The following NKAIN2 variants were observed in gnomAD, a reference collection of about 807,000 sequenced individuals.
The protein encoded by NKAIN2 is sodium/potassium transporting ATPase interacting 2.
Under a neutral mutation model 32.6 loss-of-function variants are expected in NKAIN2, and 14 were observed. That is an observed-to-expected ratio of 0.43 (90% CI 0.28 to 0.67). The LOEUF is 0.67. Among genes scored for constraint, NKAIN2 ranks in the 30% least tolerant of loss-of-function variants. NKAIN2 has a pLI of 0.17. For missense variants in NKAIN2, 198 were observed against 258.3 expected (o/e 0.77, Z 1.60); for synonymous variants, 80 against 87.2 (o/e 0.92, Z 0.46).
chr6:124,396,685 G>C (rs1477308478), intron 3 of NKAIN2, among the ~76,000 whole-genome samples: 1 of 152,120 alleles, frequency 6.6e-6, no homozygotes, highest in Non-Finnish European at 1.5e-5. Flanking sequence ...AATGTGTATA[G>C]ATGGAAAGGA....
chr6:124,455,460 G>A (rs1776283742), intron 3 of NKAIN2, among the ~76,000 whole-genome samples: 1 of 151,954 alleles, frequency 6.6e-6, no homozygotes, highest in Admixed American at 6.6e-5. Flanking sequence ...AAATGAATAA[G>A]TGGAAAATGA....
chr6:124,695,822 A>T lies in NKAIN2; in HGVS notation c.474+37436A>T, dbSNP rs538219855. On this transcript the variant is annotated intron_variant, in intron 4 of 6. Transcript: ENST00000368417. ...GATGTGCTATCTTTTCTCACCCATC[A>T]TAAGGGCCATGGCCAACACTCCTCT... Among the ~76,000 whole-genome samples the T allele has an allele frequency of 2.7e-4, 41 of 152,328 alleles. 1 individual carries two copies. The highest frequency in any genetic ancestry group is 2.5e-3 in the Admixed American group (38 of 15,300).
intron 2 of NKAIN2, among the ~76,000 whole-genome samples, chr6:124,292,968 C>T (rs891174535): frequency 6.6e-6 from 1 of 152,054 alleles, no homozygotes; most frequent in African/African-American, 2.4e-5. Context: ...GAAAAACAAT[C>T]TACCCCTTGT....
chr6:123,840,244 A>T (rs1774812291), intron 1 of NKAIN2, among the ~76,000 whole-genome samples: 1 of 152,094 alleles, frequency 6.6e-6, no homozygotes, highest in African/African-American at 2.4e-5. Context: ...TATTCTTCGT[A>T]TATGATTATA....
intron 2 of NKAIN2, among the ~76,000 whole-genome samples, chr6:124,326,614 C>T (rs1583053508): frequency 6.6e-6 from 1 of 152,132 alleles, no homozygotes; most frequent in Admixed American, 6.5e-5. Flanking sequence ...CTCACCCTTA[C>T]CTCCAGGGTT....
intron 3 of NKAIN2, among the ~76,000 whole-genome samples, chr6:124,358,356 C>A (rs1475880878): frequency 6.6e-6 from 1 of 152,108 alleles, no homozygotes; most frequent in African/African-American, 2.4e-5. Context: ...GCCACACTGA[C>A]TTCCACAATG....
At position 124,507,734 on chromosome 6, in the gene NKAIN2, A is replaced by G. The variant is rs1583355564; in HGVS notation, c.274-150452A>G. On this transcript the variant is annotated intron_variant, in intron 3 of 6. Transcript: ENST00000368417. ...TGTTATGTGCTGATTTATCTTTACA[A>G]TATTTATGATATGAGGTTCAGTGGG... Among the ~76,000 whole-genome samples, 4 of 152,284 alleles carry G rather than the reference A, an allele frequency of 2.6e-5. No homozygotes were observed. In the South Asian group the frequency reaches 8.3e-4, roughly 32 times the overall value.
intron 1 of NKAIN2, among the ~76,000 whole-genome samples, chr6:123,805,213 A>C (rs1409179587): frequency 6.6e-6 from 1 of 152,236 alleles, no homozygotes; most frequent in African/African-American, 2.4e-5. Flanking sequence ...AGAAAGTATA[A>C]ATTAACTGGA....
At chr6:124,256,616 T>C (rs1225131566) in intron 1 of NKAIN2, among the ~76,000 whole-genome samples, 1 of 152,146 alleles carries the variant, frequency 6.6e-6, no homozygotes, top group Non-Finnish European at 1.5e-5. Context: ...ATTTGAAAAA[T>C]CTTAATTTCC....
intron 3 of NKAIN2, among the ~76,000 whole-genome samples, chr6:124,456,776 A>C (rs1423626162): frequency 6.6e-6 from 1 of 151,768 alleles, no homozygotes; most frequent in Non-Finnish European, 1.5e-5. Flanking sequence ...GAGATGTATT[A>C]TTTTATGTTA....
At chr6:123,853,671 G>A (rs1249198959) in intron 1 of NKAIN2, among the ~76,000 whole-genome samples, 1 of 152,094 alleles carries the variant, frequency 6.6e-6, no homozygotes, top group Non-Finnish European at 1.5e-5. Flanking sequence ...TGACAAAAAG[G>A]GGGGATGATA....
At chr6:124,084,195 A>T (rs1034863676) in intron 1 of NKAIN2, among the ~76,000 whole-genome samples, 3 of 151,974 alleles carry the variant, frequency 2.0e-5, no homozygotes, top group African/African-American at 4.8e-5. Flanking sequence ...TTAGGACATT[A>T]TATCTCTTGT....
intron 1 of NKAIN2, among the ~76,000 whole-genome samples, chr6:123,985,395 T>C (rs9491027): frequency 0.018 from 2,683 of 152,094 alleles, 85 homozygotes; most frequent in African/African-American, 0.06. Flanking sequence ...AGCAAAACTT[T>C]GTATCAAAAT....
chr6:123,821,568 G>A (rs765410040), intron 1 of NKAIN2, among the ~76,000 whole-genome samples: 2 of 152,140 alleles, frequency 1.3e-5, no homozygotes, highest in Non-Finnish European at 2.9e-5. Flanking sequence ...CATAAACCCA[G>A]CACTCAGTAT....
chr6:124,427,928 A>C (rs983950535), intron 3 of NKAIN2, among the ~76,000 whole-genome samples: 1 of 152,282 alleles, frequency 6.6e-6, no homozygotes, highest in South Asian at 2.1e-4. Context: ...TTAAAATAAA[A>C]TACTTAAAAT....
chr6:124,513,224 T>C (rs1053713934), intron 3 of NKAIN2, among the ~76,000 whole-genome samples: 11 of 152,234 alleles, frequency 7.2e-5, no homozygotes, highest in African/African-American at 2.4e-5. Context: ...TTCACACTTA[T>C]ATATGGAATT....
intron 2 of NKAIN2, among the ~76,000 whole-genome samples, chr6:124,330,286 T>C (rs1416284740): frequency 6.6e-6 from 1 of 152,216 alleles, no homozygotes; most frequent in Non-Finnish European, 1.5e-5. Context: ...GTTTGTTCAG[T>C]ACCTCGGTAA....
intron 5 of NKAIN2, among the ~76,000 whole-genome samples, chr6:124,814,199 G>C (rs957298085): frequency 6.6e-6 from 1 of 152,128 alleles, no homozygotes; most frequent in African/African-American, 2.4e-5. Flanking sequence ...TAACTGTAAT[G>C]GTTGGTTGGA....
chr6:124,696,010 A>G (rs1774478707), intron 4 of NKAIN2, among the ~76,000 whole-genome samples: 1 of 152,232 alleles, frequency 6.6e-6, no homozygotes, highest in South Asian at 2.1e-4. Context: ...GTGATTGGAC[A>G]TAATGGTGGG....
Sources: allele counts gnomAD v4.1 joint callset (sites outside exome capture counted in the v4.1 genomes callset), GRCh38; gene constraint gnomAD v4.1.1; transcripts MANE v1.5; gene names NCBI Gene and HGNC (gene_info 2026-07-23, HGNC 2026-07-21).